The following OLA1 variants were observed in gnomAD, a reference collection of about 807,000 sequenced individuals.
The protein encoded by OLA1 is Obg like ATPase 1, also known as obg-like ATPase 1.
A neutral mutation model predicts 48.4 loss-of-function variants in OLA1; 14 were observed. The observed-to-expected ratio is 0.29, with a 90% CI of 0.19 to 0.45. OLA1 has a LOEUF of 0.45. Among genes scored for constraint, OLA1 ranks in the 20% least tolerant of loss-of-function variants. OLA1 has a pLI of 1.00. For missense variants in OLA1, 325 were observed against 467.1 expected, an observed-to-expected ratio of 0.70 and a Z score of 2.80; for synonymous variants, 127 against 150.4, an observed-to-expected ratio of 0.84 and a Z score of 1.14.
chr2:174,100,518 G>A (rs1459282268), intron 7 of OLA1, among the ~76,000 whole-genome samples: 7 of 151,960 alleles, frequency 4.6e-5, no homozygotes, highest in African/African-American at 1.2e-4. Flanking sequence ...ATCCTCCCAC[G>A]CTCAGCCTTC....
chr2:174,161,681 TACACACACACACACACACAC>T (rs55713860), intron 4 of OLA1, among the ~76,000 whole-genome samples: 4 of 141,112 alleles, frequency 2.8e-5, no homozygotes, highest in Admixed American at 2.1e-4. Flanking sequence ...AAAAAAAAAA[TACACACACACACACACACAC>T]ACACACACAC....
chr2:174,194,670 C>A (rs978946472), intron 4 of OLA1, among the ~76,000 whole-genome samples: 1 of 152,200 alleles, frequency 6.6e-6, no homozygotes, highest in Non-Finnish European at 1.5e-5. Flanking sequence ...CCCCCATATT[C>A]TCCTTTAATT....
chr2:174,197,062 T>C (rs1028671110), intron 4 of OLA1, among the ~76,000 whole-genome samples: 2 of 152,364 alleles, frequency 1.3e-5, no homozygotes, highest in African/African-American at 4.8e-5. Flanking sequence ...ACACCAGAGG[T>C]GGCAAGTTGT....
intron 7 of OLA1, among the ~76,000 whole-genome samples, chr2:174,115,182 G>A (rs1685752850): frequency 2.0e-5 from 3 of 152,146 alleles, no homozygotes; most frequent in Non-Finnish European, 2.9e-5. Flanking sequence ...GGAATTTGAG[G>A]ATCAAATGAA....
chr2:174,080,980 C>T (rs1044401218), intron 9 of OLA1, 172 bp downstream of exon 9: 13 of 590,530 alleles, frequency 2.2e-5, no homozygotes, highest in African/African-American at 7.6e-5. Flanking sequence ...CAATCAATGC[C>T]GCTCCACTTT....
chr2:174,133,331 G>T (rs1204961780), intron 5 of OLA1, among the ~76,000 whole-genome samples: 2 of 151,976 alleles, frequency 1.3e-5, no homozygotes, highest in African/African-American at 4.8e-5. Context: ...GGGTTTACTG[G>T]GTTATTAGTG....
rs1685492759 is a variant in OLA1 at position 174,105,458 on chromosome 2, A to G, written c.728+17722T>C. Reference sequence around the variant, plus strand: ...AAAACAAATATAGTTTTTTCTTTAGATCTTATAGCAAACTAAAAACAGAAT... The same window carrying G: ...AAAACAAATATAGTTTTTTCTTTAGGTCTTATAGCAAACTAAAAACAGAAT... On this transcript the variant is annotated intron_variant, in intron 7 of 10. Transcript: ENST00000284719. Among the ~76,000 whole-genome samples, 2 of 151,982 alleles carry G rather than the reference A, an allele frequency of 1.3e-5. 1 individual carries two copies. The highest frequency in any genetic ancestry group is 4.1e-4 in the South Asian group (2 of 4,830).
chr2:174,193,531 T>G (rs1206266704), intron 4 of OLA1, among the ~76,000 whole-genome samples: 1 of 152,224 alleles, frequency 6.6e-6, no homozygotes, highest in Admixed American at 6.5e-5. Flanking sequence ...ATAGTTTTTA[T>G]GCCTAAAATG....
chr2:174,218,717 G>C (rs1688421041), intron 4 of OLA1, among the ~76,000 whole-genome samples: 1 of 152,170 alleles, frequency 6.6e-6, no homozygotes, highest in South Asian at 2.1e-4. Flanking sequence ...AATGACTAAT[G>C]GGGGTAAGGA....
At chr2:174,078,843 G>A in intron 10 of OLA1, 125 bp downstream of exon 10, 1 of 927,510 alleles carries the variant, frequency 1.1e-6, no homozygotes. Flanking sequence ...ACTAAACGCT[G>A]ATCATCTTAT....
chr2:174,181,128 TA>T lies in OLA1; in HGVS notation c.374-39129del, dbSNP rs200932378. The stretch of plus-strand genomic sequence containing the variant: ...CATTCTAGTATGGCAAAACAAATAA[TA>T]AAAAAAAACATGATTTGCTAATACT... On this transcript the variant is annotated intron_variant, in intron 4 of 10. Transcript: ENST00000284719. 5.5e-3 allele frequency among the ~76,000 whole-genome samples: 837 copies of T among 150,892 alleles called. 9 individuals carry two copies. Among genetic ancestry groups the T allele is most frequent in the African/African-American group, 0.019 (775 of 41,128 alleles).
intron 7 of OLA1, among the ~76,000 whole-genome samples, chr2:174,110,371 T>TGAATTCCTGGTCTC (rs1231297904): frequency 2.1e-4 from 31 of 149,962 alleles, no homozygotes; most frequent in Non-Finnish European, 3.9e-4. Flanking sequence ...AGGCTGGTCT[T>TGAATTCCTGGTCTC]GAATTCCTGG....
At chr2:174,148,456 T>C (rs982851590) in intron 4 of OLA1, among the ~76,000 whole-genome samples, 2 of 152,192 alleles carry the variant, frequency 1.3e-5, no homozygotes, top group Non-Finnish European at 2.9e-5. Context: ...AATACTCACA[T>C]AATGCGTAAC....
At chr2:174,221,425 C>T (rs16862488) in intron 4 of OLA1, among the ~76,000 whole-genome samples, 19,347 of 152,110 alleles carry the variant, frequency 0.13, 1,441 homozygotes, top group East Asian at 0.21. Context: ...CCTAACCACA[C>T]GACAGCCTTA....
chr2:174,170,423 A>C (rs1687270519), intron 4 of OLA1, among the ~76,000 whole-genome samples: 1 of 152,240 alleles, frequency 6.6e-6, no homozygotes, highest in African/African-American at 2.4e-5. Flanking sequence ...ATAATCAAAA[A>C]AATGTAGAGA....
rs149826400 is a variant in OLA1 at position 174,200,410 on chromosome 2, T to C, written c.373+22623A>G. On this transcript the variant is annotated intron_variant, in intron 4 of 10. Coordinates refer to ENST00000284719, the MANE Select transcript of OLA1 (RefSeq NM_013341.5). ...AAGGATAGTTGAGTGAGAAAGATTA[T>C]AGCAGTTAGAAAAAGAAACCAAGGC... 5.9e-3 allele frequency among the ~76,000 whole-genome samples: 894 copies of C among 152,296 alleles called. 7 individuals carry two copies. Among genetic ancestry groups the C allele is most frequent in the Non-Finnish European group, 9.9e-3 (673 of 68,020 alleles).
At chr2:174,173,494 ATTTG>A (rs1687353359) in intron 4 of OLA1, among the ~76,000 whole-genome samples, 1 of 152,128 alleles carries the variant, frequency 6.6e-6, no homozygotes, top group Non-Finnish European at 1.5e-5. Context: ...ATTGTTTTGT[ATTTG>A]TTCAAGTTAA....
At chr2:174,137,479 A>G (rs1686337058) in intron 5 of OLA1, among the ~76,000 whole-genome samples, 1 of 152,244 alleles carries the variant, frequency 6.6e-6, no homozygotes, top group Admixed American at 6.5e-5. Flanking sequence ...GGGAGTCAGC[A>G]TATCCTTTGA....
intron 7 of OLA1, among the ~76,000 whole-genome samples, chr2:174,108,230 C>T (rs1230787171): frequency 6.6e-6 from 1 of 151,950 alleles, no homozygotes; most frequent in Non-Finnish European, 1.5e-5. Context: ...GAAGGCTTTC[C>T]AATGTTGCTA....
Sources: gnomAD v4.1 joint callset for allele counts (sites outside exome capture counted in the v4.1 genomes callset) on GRCh38, gnomAD v4.1.1 for gene constraint, MANE v1.5 for transcripts, NCBI Gene and HGNC (gene_info 2026-07-23, HGNC 2026-07-21) for gene names.